Variants in PIK3C2G observed in about 807,000 individuals in gnomAD.
PIK3C2G encodes phosphatidylinositol 3-kinase C2 domain-containing subunit gamma.
Under a neutral mutation model 181.1 loss-of-function variants are expected in PIK3C2G, and 168 were observed. That is an observed-to-expected ratio of 0.93 (90% CI 0.82 to 1.05). PIK3C2G has a LOEUF of 1.05. Ranked by LOEUF, PIK3C2G falls within the 50% of genes least tolerant of loss-of-function variation. PIK3C2G has a pLI of 0.00. For synonymous variants in PIK3C2G, 573 were observed against 592.2 expected (o/e 0.97, Z 0.47); for missense variants, 1,869 against 1,732.8 (o/e 1.08, Z -1.40).
chr12:18,481,211 G>T (rs989607446), intron 18 of PIK3C2G, among the ~76,000 whole-genome samples: 4 of 152,142 alleles, frequency 2.6e-5, no homozygotes, highest in African/African-American at 9.7e-5. Context: ...TAGGATTATA[G>T]GCATGAGCCA....
In PIK3C2G at chr12:18,587,758, A is replaced by C. The variant is rs145738190; in HGVS notation, c.4012-6736A>C. On this transcript the variant is annotated intron_variant, in intron 29 of 32. Transcript: ENST00000538779. ...AACAACAATAACAACCAAACAAAAC[A>C]AAACAAAACAAAACAAAACAAACAC... is the stretch of plus-strand genomic sequence containing the variant. Among the ~76,000 whole-genome samples, 622 of 147,266 alleles carry C rather than the reference A, an allele frequency of 4.2e-3. 5 individuals carry two copies. The highest frequency in any genetic ancestry group is 0.016 in the African/African-American group (590 of 37,156).
chr12:18,256,474 C>A (rs1948147290), intron 1 of PIK3C2G, among the ~76,000 whole-genome samples: 4 of 152,140 alleles, frequency 2.6e-5, no homozygotes. Flanking sequence ...GGCAGGAAAG[C>A]ATCACTCTCA....
intron 10 of PIK3C2G, among the ~76,000 whole-genome samples, chr12:18,343,932 C>CAG (rs139985406): frequency 0.059 from 8,956 of 152,080 alleles, 903 homozygotes; most frequent in African/African-American, 0.21. Flanking sequence ...TGGGACGGAG[C>CAG]AGTCTGACTT....
intron 31 of PIK3C2G, among the ~76,000 whole-genome samples, chr12:18,615,117 A>G (rs1948533822): frequency 6.6e-6 from 1 of 151,834 alleles, no homozygotes; most frequent in Non-Finnish European, 1.5e-5. Flanking sequence ...TTTCTCACCC[A>G]CTTCCCACCC....
At chr12:18,577,245 G>A (rs1946276924) in intron 29 of PIK3C2G, among the ~76,000 whole-genome samples, 2 of 152,176 alleles carry the variant, frequency 1.3e-5, no homozygotes, top group Non-Finnish European at 2.9e-5. Flanking sequence ...TTGTAAAGGT[G>A]TACACAGCAC....
intron 5 of PIK3C2G, among the ~76,000 whole-genome samples, chr12:18,296,021 T>C (rs183367356): frequency 2.6e-5 from 4 of 152,236 alleles, no homozygotes; most frequent in Admixed American, 2.0e-4. Flanking sequence ...CTAAAACTTA[T>C]AGAAGTACAC....
At chr12:18,720,811 G>T in the PIK3C2G span, among the ~76,000 whole-genome samples, 2 of 151,956 alleles carry the variant, frequency 1.3e-5, no homozygotes, top group Admixed American at 1.3e-4. Context: ...GATAAGTGCA[G>T]GGGAATAAAC....
chr12:18,319,090 A>AT (rs1321550118), intron 6 of PIK3C2G, among the ~76,000 whole-genome samples: 5 of 152,126 alleles, frequency 3.3e-5, no homozygotes, highest in Admixed American at 6.5e-5. Flanking sequence ...GTCTCAAAAA[A>AT]AAATAAATAA....
chr12:18,625,793 GT>G (rs1268143624), intron 31 of PIK3C2G, among the ~76,000 whole-genome samples: 4 of 151,746 alleles, frequency 2.6e-5, no homozygotes, highest in South Asian at 2.1e-4. Context: ...TCTTTTTGCA[GT>G]TTTTTATTTA....
At chr12:18,701,606 ATCC>A in the PIK3C2G span, 22,099 of 1,522,126 alleles carry the variant, frequency 0.015, 70 homozygotes, top group African/African-American at 0.039. Flanking sequence ...CTTTGAATTT[ATCC>A]TCCTCCTCCT....
At chr12:18,641,044 G>A (rs933001707) in intron 32 of PIK3C2G, among the ~76,000 whole-genome samples, 2 of 151,986 alleles carry the variant, frequency 1.3e-5, no homozygotes, top group African/African-American at 4.8e-5. Flanking sequence ...TTCTTTCTAA[G>A]GCAAGCCCCT....
At chr12:18,424,467 T>C (rs1263009167) in intron 18 of PIK3C2G, among the ~76,000 whole-genome samples, 1 of 152,250 alleles carries the variant, frequency 6.6e-6, no homozygotes, top group East Asian at 1.9e-4. Context: ...ATACTCATTC[T>C]GTTGAAAATT....
Position 18,338,336 on chromosome 12 carries a change from T to C in PIK3C2G, c.1273-90T>C, listed in dbSNP as rs1938749715. 9 of 995,494 alleles carry C rather than the reference T, an allele frequency of 9.0e-6. No individual in the cohort carries two copies. In the South Asian group the frequency reaches 1.5e-4, roughly 17 times the overall value. The allele number at this position is 995,494 out of a possible 1,614,324, so 61.7% of individuals were successfully genotyped here. On this transcript the variant is annotated intron_variant, in intron 8 of 32. Transcript: ENST00000538779. ...AACAAGCATATTTTATTCCACTTGC[T>C]CCTCATGGAAAAAGAAGAAGTTTGA...
At chr12:18,532,044 T>C (rs1018184767) in intron 24 of PIK3C2G, among the ~76,000 whole-genome samples, 2 of 152,178 alleles carry the variant, frequency 1.3e-5, no homozygotes, top group African/African-American at 4.8e-5. Flanking sequence ...GTGTTTGGTA[T>C]TGTTTTATTA....
At chr12:18,545,177 C>T (rs1317841210) in intron 25 of PIK3C2G, among the ~76,000 whole-genome samples, 2 of 151,842 alleles carry the variant, frequency 1.3e-5, no homozygotes, top group Admixed American at 6.6e-5. Context: ...ATGTAATACT[C>T]GGTTCCAGAA....
chr12:18,681,059 G>C, the PIK3C2G span, among the ~76,000 whole-genome samples: 7 of 152,018 alleles, frequency 4.6e-5, no homozygotes, highest in African/African-American at 1.7e-4. Context: ...GAATGTTCTT[G>C]TCTTTGTCGT....
chr12:18,710,063 C>T, the PIK3C2G span, among the ~76,000 whole-genome samples: 2 of 151,360 alleles, frequency 1.3e-5, no homozygotes, highest in South Asian at 2.1e-4. Flanking sequence ...TGTGTGGAAT[C>T]GTTGGGCTTT....
At chr12:18,468,859 T>A (rs1020108944) in intron 18 of PIK3C2G, among the ~76,000 whole-genome samples, 4 of 152,104 alleles carry the variant, frequency 2.6e-5, no homozygotes, top group African/African-American at 9.7e-5. Context: ...GGAAGAAGCA[T>A]GTGCTTAATG....
At chr12:18,275,635 C>T (rs1346535292) in intron 1 of PIK3C2G, among the ~76,000 whole-genome samples, 1 of 152,176 alleles carries the variant, frequency 6.6e-6, no homozygotes, top group Admixed American at 6.5e-5. Context: ...CCCGCCTCGG[C>T]CTCCCAAAGT....
Sources: allele counts gnomAD v4.1 joint callset (sites outside exome capture counted in the v4.1 genomes callset), GRCh38; gene constraint gnomAD v4.1.1; transcripts MANE v1.5; gene names NCBI Gene and HGNC (gene_info 2026-07-23, HGNC 2026-07-21).